The following MYO1D variants were observed in gnomAD, a reference collection of about 807,000 sequenced individuals.
MYO1D encodes myosin ID.
MYO1D carries 83 observed loss-of-function variants against 122.0 expected under a neutral mutation model. The ratio of observed to expected loss-of-function variants is 0.68; its 90% confidence interval spans 0.57 to 0.82. MYO1D has a LOEUF of 0.82. Ranked by LOEUF, MYO1D falls within the 40% of genes least tolerant of loss-of-function variation. MYO1D has a pLI of 0.00. For synonymous variants in MYO1D, 464 were observed against 446.9 expected (o/e 1.04, Z -0.48); for missense variants, 1,157 against 1,269.5 (o/e 0.91, Z 1.35).
At chr17:32,606,042 G>A (rs574622719) in intron 20 of MYO1D, among the ~76,000 whole-genome samples, 16 of 152,282 alleles carry the variant, frequency 1.1e-4, no homozygotes, top group African/African-American at 3.4e-4. Context: ...AGAGGTTGCC[G>A]TGAGCTGAGA....
At chr17:32,528,324 C>T (rs532158399) in intron 21 of MYO1D, among the ~76,000 whole-genome samples, 23 of 152,118 alleles carry the variant, frequency 1.5e-4, no homozygotes, top group Non-Finnish European at 3.1e-4. Flanking sequence ...TACTGCTTTG[C>T]AGGTGGGAGA....
At chr17:32,573,475 C>CT (rs2087249433) in intron 21 of MYO1D, among the ~76,000 whole-genome samples, 1 of 151,758 alleles carries the variant, frequency 6.6e-6, no homozygotes, top group South Asian at 2.1e-4. Context: ...CCTCAGGAAA[C>CT]TTCACAGGAA....
rs756342631 is a variant in MYO1D, at chr17:32,738,330, C to A, written c.1669G>T (p.Val557Leu). The A allele has an allele frequency of 1.9e-6, 3 of 1,608,772 alleles. No individual in the cohort carries two copies. The highest frequency in any genetic ancestry group is 1.1e-5 in the South Asian group (1 of 89,362). ...WPEGKLSITE[V>L]TKRPLTAATL... ...GCAGCAGTCAGAGGTCGCTTGGTCA[C>A]CTCTGTAATGCTCAGTTTGCCTTCA... Residue 557 changes from valine to leucine, a missense_variant, in exon 14 of 22, where the codon GTG becomes TTG. Physicochemically the swap from Val to Leu is conservative, Grantham distance 32. Transcript: ENST00000318217.
intron 1 of MYO1D, among the ~76,000 whole-genome samples, chr17:32,867,709 A>C (rs1037618454): frequency 2.6e-5 from 4 of 150,986 alleles, no homozygotes; most frequent in Non-Finnish European, 5.9e-5. Context: ...AGGTAGGAGA[A>C]CTGCTTGAAC....
At chr17:32,822,587 G>A (rs1045678217) in intron 1 of MYO1D, among the ~76,000 whole-genome samples, 1 of 148,734 alleles carries the variant, frequency 6.7e-6, no homozygotes, top group Non-Finnish European at 1.5e-5. Context: ...GGGAACCGCG[G>A]AGGCGGCCGC....
At chr17:32,724,371 T>C (rs569130423) in intron 14 of MYO1D, among the ~76,000 whole-genome samples, 4 of 152,276 alleles carry the variant, frequency 2.6e-5, no homozygotes, top group African/African-American at 7.2e-5. Context: ...GGGGCTTTCT[T>C]TGAGTAATGA....
chr17:32,615,705 G>A (rs59503751), intron 20 of MYO1D, among the ~76,000 whole-genome samples: 1 of 152,274 alleles, frequency 6.6e-6, no homozygotes, highest in African/African-American at 2.4e-5. Context: ...TAGAAAGATC[G>A]AAGGCATCCA....
intron 1 of MYO1D, among the ~76,000 whole-genome samples, chr17:32,816,328 G>A (rs956112949): frequency 5.9e-5 from 9 of 152,156 alleles, no homozygotes; most frequent in African/African-American, 2.2e-4. Flanking sequence ...ACCAGGTTAG[G>A]AAAGGCTTCA....
At chr17:32,864,735 T>C (rs896884274) in intron 1 of MYO1D, among the ~76,000 whole-genome samples, 11 of 152,198 alleles carry the variant, frequency 7.2e-5, no homozygotes, top group Admixed American at 3.9e-4. Context: ...ATACATAAAA[T>C]ATAGTAAATG....
intron 1 of MYO1D, among the ~76,000 whole-genome samples, chr17:32,823,911 T>C (rs752670880): frequency 6.6e-6 from 1 of 151,050 alleles, no homozygotes; most frequent in Non-Finnish European, 1.5e-5. Flanking sequence ...ACTAAAAATA[T>C]AAAAAATTAG....
At chr17:32,679,983 G>C (rs1345806714) in intron 16 of MYO1D, among the ~76,000 whole-genome samples, 1 of 143,664 alleles carries the variant, frequency 7.0e-6, no homozygotes, top group Admixed American at 7.0e-5. Flanking sequence ...CACATCCCTT[G>C]TAAGTTGGAT....
intron 1 of MYO1D, among the ~76,000 whole-genome samples, chr17:32,788,137 T>C (rs989526766): frequency 2.6e-5 from 4 of 152,190 alleles, no homozygotes; most frequent in African/African-American, 4.8e-5. Context: ...CTGAATCAAA[T>C]GGTAATTCTC....
intron 21 of MYO1D, among the ~76,000 whole-genome samples, chr17:32,585,938 T>C (rs1041023322): frequency 1.7e-4 from 26 of 152,170 alleles, no homozygotes; most frequent in African/African-American, 6.0e-4. Context: ...ATAAATATCA[T>C]GTCGGCTACT....
intron 16 of MYO1D, among the ~76,000 whole-genome samples, chr17:32,706,304 G>A (rs28491760): frequency 0.036 from 5,474 of 152,120 alleles, 329 homozygotes; most frequent in African/African-American, 0.12. Context: ...ATGGGGTTTT[G>A]CCATAGTTGG....
At chr17:32,537,732 C>T (rs74623682) in intron 21 of MYO1D, among the ~76,000 whole-genome samples, 70 of 152,262 alleles carry the variant, frequency 4.6e-4, no homozygotes, top group Admixed American at 8.5e-4. Flanking sequence ...CATCCTAGTA[C>T]GCTACCTGGC....
At chr17:32,756,963 C>G (rs576768378) in intron 10 of MYO1D, among the ~76,000 whole-genome samples, 1 of 152,266 alleles carries the variant, frequency 6.6e-6, no homozygotes, top group Admixed American at 6.5e-5. Context: ...CTCAGGCAAG[C>G]TGCACATCTC....
chr17:32,596,382 A>G (rs1331632539), intron 21 of MYO1D, among the ~76,000 whole-genome samples: 1 of 152,204 alleles, frequency 6.6e-6, no homozygotes, highest in East Asian at 1.9e-4. Flanking sequence ...GGGGAGGGCC[A>G]GGCGCTGGGA....
chr17:32,713,832 C>G, intron 15 of MYO1D, among the ~76,000 whole-genome samples: 1 of 152,038 alleles, frequency 6.6e-6, no homozygotes, highest in East Asian at 1.9e-4. Context: ...CCATGTTGGC[C>G]AGGCTGGTCT....
intron 16 of MYO1D, among the ~76,000 whole-genome samples, chr17:32,676,962 C>A (rs1443180630): frequency 1.3e-5 from 2 of 152,036 alleles, no homozygotes; most frequent in Non-Finnish European, 2.9e-5. Context: ...AGGCGCCCAC[C>A]ACCATGCCCG....
Sources: gnomAD v4.1 joint callset for allele counts (sites outside exome capture counted in the v4.1 genomes callset) on GRCh38, gnomAD v4.1.1 for gene constraint, MANE v1.5 for transcripts, NCBI Gene and HGNC (gene_info 2026-07-23, HGNC 2026-07-21) for gene names.